Variants in CCKBR observed in about 807,000 individuals in gnomAD.
CCKBR encodes the protein gastrin/cholecystokinin type B receptor.
CCKBR carries 33 observed loss-of-function variants against 34.6 expected under a neutral mutation model. That is an observed-to-expected ratio of 0.95 (90% confidence interval 0.72 to 1.27). CCKBR has a LOEUF of 1.27. Ranked by LOEUF, CCKBR falls within the 50% of genes most tolerant of loss-of-function variation. CCKBR has a pLI of 0.00. For missense variants in CCKBR, 652 were observed against 617.4 expected (o/e 1.06, Z -0.59); for synonymous variants, 269 against 267.5 (o/e 1.01, Z -0.06).
Position 6,271,447 on chromosome 11 carries a change from C to T in CCKBR, c.1248C>T (p.Arg416=), listed in dbSNP as rs757730115. 3.1e-6 allele frequency: 5 copies of T among 1,613,448 alleles called. No individual in the cohort carries two copies. The highest frequency in any genetic ancestry group is 3.4e-6 in the Non-Finnish European group (4 of 1,180,034). Residue 416 remains arginine (R), a synonymous_variant, in exon 5 of 5, where the codon CGC becomes CGT. Coordinates refer to ENST00000334619, the MANE Select transcript of CCKBR (RefSeq NM_176875.4). The part of the protein sequence containing the change: ...ARCCPRPPRA[R]PRALPDEDPP... The stretch of plus-strand genomic sequence containing the variant: ...GCTGCCCCCGGCCTCCACGAGCTCG[C>T]CCCAGGGCTCTTCCCGATGAGGACC...
chr11:6,265,928 A>C (rs1372767858), intron 1 of CCKBR, among the ~76,000 whole-genome samples: 2 of 152,206 alleles, frequency 1.3e-5, no homozygotes, highest in African/African-American at 4.8e-5. Flanking sequence ...CGGATGGATG[A>C]GGAGGGGGAA....
At chr11:6,270,391 C>A (rs1218043284) in intron 3 of CCKBR, 54 bp downstream of exon 3, 1 of 1,565,660 alleles carries the variant, frequency 6.4e-7, no homozygotes, top group East Asian at 2.3e-5. Flanking sequence ...CTATTAGATG[C>A]TTACGACCAT....
At position 6,271,737 on chromosome 11, in the gene CCKBR, C is replaced by T; in HGVS notation, c.*194C>T. ...AGCAGTACATGGGAAAGGAGGCATGCCTCTGATATGGGACTGAGCCTGGCC... is the reference window on the plus strand; with the variant it reads ...AGCAGTACATGGGAAAGGAGGCATGTCTCTGATATGGGACTGAGCCTGGCC... On this transcript the variant is annotated 3_prime_UTR_variant, in exon 5 of 5. Coordinates refer to ENST00000334619, the MANE Select transcript of CCKBR (RefSeq NM_176875.4). The T allele has an allele frequency of 1.7e-6, 1 of 582,084 alleles. No homozygotes were observed. The highest frequency in any genetic ancestry group is 3.0e-6 in the Non-Finnish European group (1 of 338,458). The allele number at this position is 582,084 out of a possible 1,614,324, so 36.1% of individuals were successfully genotyped here.
At position 6,259,991 on chromosome 11, in the gene CCKBR, G is replaced by A; in HGVS notation, c.63G>A (p.Leu21=). 1 of 1,583,218 alleles carries A rather than the reference G, an allele frequency of 6.3e-7. No individual in the cohort carries two copies. Among genetic ancestry groups the A allele is most frequent in the Non-Finnish European group, 8.6e-7 (1 of 1,166,908 alleles). Reference sequence around the variant, plus strand: ...CCGGACCCGGGCCGGGGGCTTCCCTGTGCCGCCCGGGGGCGCCTCTCCTCA... The same window carrying A: ...CCGGACCCGGGCCGGGGGCTTCCCTATGCCGCCCGGGGGCGCCTCTCCTCA... ...QGTGPGPGAS[L]CRPGAPLLNS... The change falls in exon 1 of 5, where the codon CTG becomes CTA. Residue 21 remains leucine, a synonymous_variant. Coordinates refer to ENST00000334619, the MANE Select transcript of CCKBR (RefSeq NM_176875.4).
In CCKBR at chr11:6,270,965, T is replaced by TG. The variant is rs757091759; in HGVS notation, c.812-40dup. 8.1e-6 allele frequency: 13 copies of TG among 1,612,928 alleles called. No homozygotes were observed. In the East Asian group the frequency reaches 8.9e-5, roughly 11 times the overall value. ...GTCAGGTGGGGACTGGGCTGGAGAC[T>TG]GGGGGGACTCGCCTTTTTCTCTGAC... On this transcript the variant is annotated intron_variant, in intron 4 of 4. Coordinates refer to ENST00000334619, the MANE Select transcript of CCKBR (RefSeq NM_176875.4).
At position 6,271,397 on chromosome 11, in the gene CCKBR, G is replaced by T. The variant is rs145064936; in HGVS notation, c.1198G>T (p.Ala400Ser). Residue 400 changes from alanine (A) to serine (S), a missense_variant, in exon 5 of 5, where the codon GCC (alanine) becomes TCC (serine). Physicochemically the swap from Ala to Ser is moderately conservative, Grantham distance 99. Coordinates refer to ENST00000334619, the MANE Select transcript of CCKBR (RefSeq NM_176875.4). The part of the protein sequence containing the change: ...YCFMHRRFRQ[A>S]CLETCARCCP... ...CTTCATGCACCGTCGCTTTCGCCAG[G>T]CCTGCCTGGAAACTTGCGCTCGCTG... 23 of 1,613,866 alleles carry T rather than the reference G, an allele frequency of 1.4e-5. No individual in the cohort carries two copies. Among genetic ancestry groups the T allele is most frequent in the Non-Finnish European group, 1.9e-5 (22 of 1,180,050 alleles).
chr11:6,265,598 C>T (rs969118236), intron 1 of CCKBR, among the ~76,000 whole-genome samples: 2 of 152,072 alleles, frequency 1.3e-5, no homozygotes, highest in African/African-American at 2.4e-5. Flanking sequence ...ACAGTGAGTC[C>T]AAGATAAACC....
chr11:6,271,280 C>T lies in CCKBR; in HGVS notation c.1081C>T (p.Pro361Ser). The T allele has an allele frequency of 6.2e-7, 1 of 1,614,222 alleles. No individual in the cohort carries two copies. Among genetic ancestry groups the T allele is most frequent in the Non-Finnish European group, 8.5e-7 (1 of 1,180,040 alleles). ...CAACACGTGGCGCGCCTTTGATGGC[C>T]CGGGTGCACACCGAGCACTCTCGGG... ...SANTWRAFDG[P>S]GAHRALSGAP... The change falls in exon 5 of 5, where the codon CCG (proline) becomes TCG (serine). Residue 361 changes from proline to serine, a missense_variant. By Grantham distance (74) the Pro-to-Ser change is moderately conservative (BLOSUM62 -1). Coordinates refer to ENST00000334619, the MANE Select transcript of CCKBR (RefSeq NM_176875.4).
intron 1 of CCKBR, among the ~76,000 whole-genome samples, chr11:6,266,114 A>C (rs1848205664): frequency 6.6e-6 from 1 of 152,168 alleles, no homozygotes; most frequent in African/African-American, 2.4e-5. Context: ...AGAGAATTAC[A>C]TACATACTAA....
intron 1 of CCKBR, among the ~76,000 whole-genome samples, chr11:6,262,722 G>GAGAGAGAGAGAGAAAGAA (rs377114173): frequency 8.4e-6 from 1 of 119,162 alleles, no homozygotes; most frequent in African/African-American, 3.0e-5. Flanking sequence ...GAGAGAGAGA[G>GAGAGAGAGAGAGAAAGAA]AGAAAGAAAA....
chr11:6,266,598 G>C (rs1848213076), intron 1 of CCKBR, among the ~76,000 whole-genome samples: 1 of 152,196 alleles, frequency 6.6e-6, no homozygotes, highest in Non-Finnish European at 1.5e-5. Context: ...TTAGGGATCA[G>C]GGACTTGGCT....
At chr11:6,264,176 T>C (rs577028623) in intron 1 of CCKBR, among the ~76,000 whole-genome samples, 2 of 152,186 alleles carry the variant, frequency 1.3e-5, no homozygotes, top group Non-Finnish European at 2.9e-5. Flanking sequence ...CACTCTGATA[T>C]TACCTACACA....
At chr11:6,266,293 C>G (rs1848208056) in intron 1 of CCKBR, among the ~76,000 whole-genome samples, 1 of 152,030 alleles carries the variant, frequency 6.6e-6, no homozygotes, top group Non-Finnish European at 1.5e-5. Flanking sequence ...GAGTTCGAGA[C>G]CAGCCTTACC....
chr11:6,261,113 C>T (rs546165888), intron 1 of CCKBR, among the ~76,000 whole-genome samples: 149 of 152,172 alleles, frequency 9.8e-4, no homozygotes, highest in Non-Finnish European at 2.0e-3. Context: ...CTTTCTCAGC[C>T]GAGTTGTTAC....
chr11:6,271,937 T>A lies in CCKBR; in HGVS notation c.*394T>A. ...AGGACTGATTCTGGGATGCTCCTAGTTTGACCTCACAGTGACCCTTCCCAA... is the reference window on the plus strand; with the variant it reads ...AGGACTGATTCTGGGATGCTCCTAGATTGACCTCACAGTGACCCTTCCCAA... On this transcript the variant is annotated 3_prime_UTR_variant, in exon 5 of 5. Coordinates refer to ENST00000334619, the MANE Select transcript of CCKBR (RefSeq NM_176875.4). The A allele has an allele frequency of 5.3e-6, 1 of 187,998 alleles. No individual in the cohort carries two copies. The allele number at this position is 187,998 out of a possible 1,614,324, so 11.6% of individuals were successfully genotyped here. A position where few individuals can be genotyped will look rare whatever the true frequency, so the allele number is the denominator to read the frequency against.
rs148250134 is a variant in CCKBR at position 6,270,157 on chromosome 11, G to A, written c.473G>A (p.Arg158Gln). 5.9e-5 allele frequency: 95 copies of A among 1,613,882 alleles called. No homozygotes were observed. The African/African-American group carries it at 1.1e-3, about 18-fold the overall frequency. ...IALERYSAIC[R>Q]PLQARVWQTR... is the part of the protein sequence containing the mutation. ...CTGGAGCGGTACAGCGCCATCTGCC[G>A]ACCACTGCAGGCACGAGTGTGGCAG... is the stretch of plus-strand genomic sequence containing the variant. Residue 158 changes from arginine (R) to glutamine (Q), a missense_variant, in exon 3 of 5, where the codon CGA becomes CAA. Arg to Gln is a conservative substitution (Grantham distance 43, BLOSUM62 1). Transcript: ENST00000334619.
At chr11:6,267,375 T>G (rs1848225041) in intron 1 of CCKBR, among the ~76,000 whole-genome samples, 1 of 152,038 alleles carries the variant, frequency 6.6e-6, no homozygotes, top group South Asian at 2.1e-4. Flanking sequence ...AAAACCTTTC[T>G]GTTAAAACCA....
In CCKBR at chr11:6,271,101, G is replaced by A. The variant is rs756071960; in HGVS notation, c.902G>A (p.Arg301Gln). 1.2e-6 allele frequency: 2 copies of A among 1,613,980 alleles called. No homozygotes were observed. Among genetic ancestry groups the A allele is most frequent in the Admixed American group, 1.7e-5 (1 of 59,998 alleles). ...DGCYVQLPRSRPALELTALTA... is the reference protein window; with the variant it reads ...DGCYVQLPRSQPALELTALTA... ...TGCTACGTGCAACTTCCACGTTCCCGGCCTGCCCTGGAGCTGACGGCGCTG... is the reference window on the plus strand; with the variant it reads ...TGCTACGTGCAACTTCCACGTTCCCAGCCTGCCCTGGAGCTGACGGCGCTG... Residue 301 changes from arginine to glutamine, a missense_variant, in exon 5 of 5, where the codon CGG becomes CAG. Coordinates refer to ENST00000334619, the MANE Select transcript of CCKBR (RefSeq NM_176875.4).
intron 1 of CCKBR, among the ~76,000 whole-genome samples, chr11:6,261,643 T>C (rs1328602099): frequency 6.6e-6 from 1 of 151,816 alleles, no homozygotes; most frequent in Non-Finnish European, 1.5e-5. Context: ...GACTAGAACA[T>C]ATATCTTAAG....
Sources: allele counts gnomAD v4.1 joint callset (sites outside exome capture counted in the v4.1 genomes callset), GRCh38; gene constraint gnomAD v4.1.1; transcripts MANE v1.5; gene names NCBI Gene and HGNC (gene_info 2026-07-23, HGNC 2026-07-21).